Variants in GRIA2 observed in about 807,000 individuals in gnomAD.
GRIA2 encodes the protein glutamate receptor 2.
GRIA2 carries 14 observed loss-of-function variants against 97.3 expected under a neutral mutation model. That is an observed-to-expected ratio of 0.14 (90% CI 0.10 to 0.23). GRIA2 has a LOEUF of 0.23. Among genes scored for constraint, GRIA2 ranks in the 10% least tolerant of loss-of-function variants. GRIA2 has a pLI of 1.00. For missense variants in GRIA2, 558 were observed against 1,069.8 expected (o/e 0.52, Z 6.67); for synonymous variants, 412 against 387.8 (o/e 1.06, Z -0.73).
At chr4:157,340,493 AAT>A (rs1735498808) in intron 11 of GRIA2, among the ~76,000 whole-genome samples, 1 of 151,972 alleles carries the variant, frequency 6.6e-6, no homozygotes, top group Admixed American at 6.6e-5. Context: ...TAGTCAGAAA[AAT>A]ATTGTTATTT....
At chr4:157,358,872 T>C (rs1281081390) in intron 12 of GRIA2, among the ~76,000 whole-genome samples, 2 of 152,194 alleles carry the variant, frequency 1.3e-5, no homozygotes, top group African/African-American at 4.8e-5. Context: ...GTAAAAGTTA[T>C]ATTTTTTAAA....
intron 2 of GRIA2, among the ~76,000 whole-genome samples, chr4:157,229,566 C>T (rs905789057): frequency 6.6e-6 from 1 of 152,118 alleles, no homozygotes; most frequent in African/African-American, 2.4e-5. Context: ...ATCCATGTTT[C>T]TCAAACAAAT....
rs546649491 is a variant in GRIA2, at chr4:157,321,601, T to G, written c.882+2T>G. On this transcript the variant is annotated splice_donor_variant, in intron 6 of 15. Coordinates refer to ENST00000264426, the MANE Select transcript of GRIA2 (RefSeq NM_001083619.3). LOFTEE classifies it high-confidence loss of function. ...GGAGCTCACACAACAACAATTAAGG[T>G]TTGCTTTGGTTTCTGTCTTTTCTTT... 6.3e-7 allele frequency: 1 copy of G among 1,597,044 alleles called. No individual in the cohort carries two copies. Among genetic ancestry groups the G allele is most frequent in the African/African-American group, 1.4e-5 (1 of 73,998 alleles).
chr4:157,279,981 C>G (rs1732522589), intron 2 of GRIA2, among the ~76,000 whole-genome samples: 1 of 151,938 alleles, frequency 6.6e-6, no homozygotes, highest in South Asian at 2.1e-4. Context: ...AAAAATCAGC[C>G]GGGCATGGTG....
intron 2 of GRIA2, among the ~76,000 whole-genome samples, chr4:157,252,128 T>G (rs1731047186): frequency 6.6e-6 from 1 of 152,124 alleles, no homozygotes; most frequent in South Asian, 2.1e-4. Flanking sequence ...CATAAAACAG[T>G]AAAAGTTGTA....
chr4:157,314,201 A>T (rs542327495), intron 4 of GRIA2, among the ~76,000 whole-genome samples: 26 of 152,302 alleles, frequency 1.7e-4, no homozygotes, highest in African/African-American at 5.3e-4. Flanking sequence ...GTGGAAGTGC[A>T]AGGAAAATAC....
chr4:157,339,933 A>C (rs1735475431), intron 11 of GRIA2, among the ~76,000 whole-genome samples: 1 of 151,666 alleles, frequency 6.6e-6, no homozygotes, highest in African/African-American at 2.4e-5. Context: ...TTTCATATTT[A>C]TTTTTTTGTA....
At chr4:157,274,899 G>T (rs536767416) in intron 2 of GRIA2, among the ~76,000 whole-genome samples, 1 of 151,088 alleles carries the variant, frequency 6.6e-6, no homozygotes, top group Non-Finnish European at 1.5e-5. Flanking sequence ...GGGATGGCTG[G>T]GTCAAATGGT....
intron 2 of GRIA2, among the ~76,000 whole-genome samples, chr4:157,292,718 C>G (rs1382314815): frequency 6.6e-6 from 1 of 152,048 alleles, no homozygotes; most frequent in Non-Finnish European, 1.5e-5. Flanking sequence ...GATGCACTTT[C>G]TTACTAATGA....
chr4:157,255,969 A>G (rs1260359094), intron 2 of GRIA2, among the ~76,000 whole-genome samples: 5 of 151,100 alleles, frequency 3.3e-5, no homozygotes, highest in Non-Finnish European at 7.4e-5. Flanking sequence ...TCATTCGTAC[A>G]TGTAGTTTTA....
At chr4:157,345,755 G>A (rs945059803) in intron 12 of GRIA2, among the ~76,000 whole-genome samples, 1 of 152,014 alleles carries the variant, frequency 6.6e-6, no homozygotes, top group Non-Finnish European at 1.5e-5. Context: ...GTTCCTTCTG[G>A]TTGTCTCCTC....
chr4:157,249,327 A>G (rs1020285745), intron 2 of GRIA2: 5 of 152,154 alleles, frequency 3.3e-5, no homozygotes, highest in African/African-American at 1.2e-4. Flanking sequence ...ATCCTTCAAC[A>G]TCAAACTCAC....
intron 5 of GRIA2, among the ~76,000 whole-genome samples, chr4:157,318,598 A>G (rs994809148): frequency 6.6e-6 from 1 of 152,168 alleles, no homozygotes; most frequent in Non-Finnish European, 1.5e-5. Context: ...AGTTAATTCT[A>G]TTTCCCTCTT....
chr4:157,355,999 TTATA>T (rs1173083676), intron 12 of GRIA2, among the ~76,000 whole-genome samples: 9 of 101,978 alleles, frequency 8.8e-5, no homozygotes, highest in South Asian at 5.8e-4. Flanking sequence ...TTATATATAT[TTATA>T]TATGTATTTA....
At chr4:157,345,933 CAT>C (rs1162858427) in intron 12 of GRIA2, among the ~76,000 whole-genome samples, 5 of 152,050 alleles carry the variant, frequency 3.3e-5, no homozygotes, top group African/African-American at 4.8e-5. Context: ...GATAATAAAC[CAT>C]GAGACTCTAC....
chr4:157,326,225 A>G (rs1734796929), intron 6 of GRIA2, among the ~76,000 whole-genome samples: 1 of 152,134 alleles, frequency 6.6e-6, no homozygotes, highest in African/African-American at 2.4e-5. Flanking sequence ...ATCTCTTTCA[A>G]ATCCTGTCTT....
At chr4:157,255,222 C>T (rs891806010) in intron 2 of GRIA2, among the ~76,000 whole-genome samples, 3 of 151,788 alleles carry the variant, frequency 2.0e-5, no homozygotes, top group Admixed American at 2.0e-4. Flanking sequence ...CAGGTCCATC[C>T]ATGTTGCTGC....
intron 2 of GRIA2, among the ~76,000 whole-genome samples, chr4:157,297,806 C>T (rs1733418759): frequency 6.6e-6 from 1 of 151,720 alleles, no homozygotes; most frequent in Non-Finnish European, 1.5e-5. Context: ...CTAGAAAGCT[C>T]ACACATGAGT....
At chr4:157,319,027 T>C (rs930904788) in intron 5 of GRIA2, among the ~76,000 whole-genome samples, 4 of 152,218 alleles carry the variant, frequency 2.6e-5, no homozygotes, top group Admixed American at 2.0e-4. Context: ...AACTGCATGC[T>C]ATTGGGTTGC....
Sources: gnomAD v4.1 joint callset for allele counts (sites outside exome capture counted in the v4.1 genomes callset) on GRCh38, gnomAD v4.1.1 for gene constraint, MANE v1.5 for transcripts, NCBI Gene and HGNC (gene_info 2026-07-23, HGNC 2026-07-21) for gene names.